The following SP3 variants were observed in gnomAD, a reference collection of about 807,000 sequenced individuals.
The protein encoded by SP3 is transcription factor Sp3.
SP3 carries 10 observed loss-of-function variants against 70.3 expected under a neutral mutation model. The ratio of observed to expected loss-of-function variants is 0.14; its 90% CI spans 0.09 to 0.24. The LOEUF (loss-of-function observed/expected upper bound fraction) is 0.24. Ranked by LOEUF, SP3 falls within the 10% of genes least tolerant of loss-of-function variation. The probability of loss-of-function intolerance (pLI) is 1.00; values close to 1 mark genes in which losing one functional copy is unlikely to be tolerated. For synonymous variants in SP3, 402 were observed against 333.5 expected (o/e 1.21, Z -2.24); for missense variants, 825 against 914.6 (o/e 0.90, Z 1.26).
Position 173,918,736 on chromosome 2 carries a change from A to G in SP3, c.1689T>C (p.Ser563=). Residue 563 remains serine (S), a synonymous_variant, in exon 5 of 7, where the codon AGT becomes AGC. Coordinates refer to ENST00000310015, the MANE Select transcript of SP3 (RefSeq NM_003111.5). ...CATTGGTATTCAAGGTAGAATCACC[A>G]CTGAGCTGCCACTCTTCAGGATCAG... The part of the protein sequence containing the change: ...EEPDPEEWQL[S]GDSTLNTNDL... The G allele has an allele frequency of 6.2e-7, 1 of 1,613,536 alleles. No homozygotes were observed. Among genetic ancestry groups the G allele is most frequent in the Non-Finnish European group, 8.5e-7 (1 of 1,179,678 alleles).
intron 4 of SP3, among the ~76,000 whole-genome samples, chr2:173,949,723 G>C (rs1054057607): frequency 6.6e-6 from 1 of 152,170 alleles, no homozygotes; most frequent in Non-Finnish European, 1.5e-5. Context: ...ATAGCTACCA[G>C]TTAACCTGCA....
intron 4 of SP3, among the ~76,000 whole-genome samples, chr2:173,930,461 C>T (rs1000110143): frequency 6.6e-6 from 1 of 152,254 alleles, no homozygotes; most frequent in African/African-American, 2.4e-5. Flanking sequence ...CCTACAAATT[C>T]CCAAATTTCT....
intron 5 of SP3, chr2:173,915,162 G>C (rs991763735): frequency 2.0e-5 from 3 of 152,152 alleles, no homozygotes; most frequent in African/African-American, 7.2e-5. Flanking sequence ...CAAGAAGCTA[G>C]GGAAGGTATT....
Position 173,902,643 on chromosome 2 carries a change from T to C in SP3, c.*7298A>G, listed in dbSNP as rs1396849366. 4.6e-5 allele frequency among the ~76,000 whole-genome samples: 7 copies of C among 152,214 alleles called. No homozygotes were observed. The highest frequency in any genetic ancestry group is 1.7e-4 in the African/African-American group (7 of 41,456). ...TGAACTACAGCATTTAAATGAATGA[T>C]TTAGAGAAAGATGGTAGTGTGGATA... On this transcript the variant is annotated 3_prime_UTR_variant, in exon 7 of 7. Coordinates refer to ENST00000310015, the MANE Select transcript of SP3 (RefSeq NM_003111.5).
chr2:173,962,807 G>C (rs747608073), intron 3 of SP3, among the ~76,000 whole-genome samples: 1 of 151,440 alleles, frequency 6.6e-6, no homozygotes, highest in Non-Finnish European at 1.5e-5. Flanking sequence ...ATTTTAATAG[G>C]TGAACAAATC....
rs1689336769 is a variant in SP3, at chr2:173,906,777, T to A, written c.*3164A>T. The A allele has an allele frequency of 6.6e-6, 1 of 152,182 alleles. No individual in the cohort carries two copies. The highest frequency in any genetic ancestry group is 6.5e-5 in the Admixed American group (1 of 15,286). 9.4% of individuals were successfully genotyped at this position (152,182 alleles called of 1,614,324 possible). ...TAAGTGATTGTAACGCAGGAGTGTT[T>A]AACAGAACCACTTGAGCAGCTGTTT... On this transcript the variant is annotated 3_prime_UTR_variant, in exon 7 of 7. Transcript: ENST00000310015.
chr2:173,962,199 G>A (rs1167868775), intron 3 of SP3, among the ~76,000 whole-genome samples: 2 of 152,080 alleles, frequency 1.3e-5, no homozygotes, highest in Non-Finnish European at 2.9e-5. Flanking sequence ...ACTCACATAT[G>A]TATGTACATA....
chr2:173,941,478 C>T (rs1422581211), intron 4 of SP3, among the ~76,000 whole-genome samples: 2 of 152,190 alleles, frequency 1.3e-5, no homozygotes, highest in Non-Finnish European at 2.9e-5. Flanking sequence ...GACATGGCAG[C>T]ACACATGTGC....
Position 173,928,178 on chromosome 2 carries a change from TAAAG to T in SP3, c.1640-9397_1640-9394del, listed in dbSNP as rs1458999331. On this transcript the variant is annotated intron_variant, in intron 4 of 6. Transcript: ENST00000310015. ...ATATAAACATTAAATAAATTAGGAC[TAAAG>T]AAAGGATCTAAGGCTACTCTTAAGA... 2.6e-5 allele frequency among the ~76,000 whole-genome samples: 4 copies of T among 152,270 alleles called. No homozygotes were observed. The East Asian group carries it at 7.7e-4, about 29-fold the overall frequency.
intron 2 of SP3, 59 bp from the exon 3 acceptor site, chr2:173,963,942 C>CG: frequency 8.0e-7 from 1 of 1,251,916 alleles, no homozygotes; most frequent in East Asian, 3.3e-5. Context: ...CGGTTAGGGT[C>CG]GGGCCGCCTT....
rs1689220669 is a variant in SP3 at position 173,903,222 on chromosome 2, C to A, written c.*6719G>T. 6.6e-6 allele frequency among the ~76,000 whole-genome samples: 1 copy of A among 152,126 alleles called. No individual in the cohort carries two copies. The highest frequency in any genetic ancestry group is 1.5e-5 in the Non-Finnish European group (1 of 68,012). On this transcript the variant is annotated 3_prime_UTR_variant, in exon 7 of 7. Transcript: ENST00000310015. ...TTACTAATACATAATATAATATGTG[C>A]CAGGCATTATGGAAAGTGGTTTACA... is the stretch of plus-strand genomic sequence containing the variant.
intron 4 of SP3, among the ~76,000 whole-genome samples, chr2:173,930,822 A>G (rs1300348737): frequency 6.6e-6 from 1 of 152,248 alleles, no homozygotes; most frequent in Non-Finnish European, 1.5e-5. Context: ...GTAATAATAT[A>G]GGTGCTGTCT....
At chr2:173,956,726 G>A (rs1690906531) in intron 3 of SP3, among the ~76,000 whole-genome samples, 1 of 152,038 alleles carries the variant, frequency 6.6e-6, no homozygotes, top group South Asian at 2.1e-4. Flanking sequence ...CATGGCTAGG[G>A]CTATTCCATT....
At chr2:173,965,141 G>T (rs942691062) in intron 1 of SP3, 24 bp downstream of exon 1, 4 of 1,548,202 alleles carry the variant, frequency 2.6e-6, no homozygotes, top group Non-Finnish European at 3.5e-6. Flanking sequence ...CAGCAGCAAG[G>T]GTTGCTCTCT....
Position 173,902,317 on chromosome 2 carries a change from T to A in SP3, c.*7624A>T, listed in dbSNP as rs923987161. 6.6e-6 allele frequency among the ~76,000 whole-genome samples: 1 copy of A among 152,224 alleles called. No homozygotes were observed. Among genetic ancestry groups the A allele is most frequent in the East Asian group, 1.9e-4 (1 of 5,202 alleles). On this transcript the variant is annotated 3_prime_UTR_variant, in exon 7 of 7. Transcript: ENST00000310015. ...ATTGTTATTCATTGGAAAAAACATA[T>A]CTGCCAAGGCAGGATTGGGAGGGTA...
At chr2:173,924,503 CA>C (rs1689852890) in intron 4 of SP3, among the ~76,000 whole-genome samples, 1 of 152,200 alleles carries the variant, frequency 6.6e-6, no homozygotes, top group African/African-American at 2.4e-5. Flanking sequence ...TGGCTAAACA[CA>C]TAAGATAAGG....
intron 5 of SP3, 71 bp from the exon 6 acceptor site, chr2:173,913,337 A>T: frequency 9.0e-7 from 1 of 1,114,318 alleles, no homozygotes; most frequent in Non-Finnish European, 1.2e-6. Flanking sequence ...TTTACATCAT[A>T]TATCCCCATG....
At chr2:173,965,405 G>A (rs1213660641), upstream of SP3, 3 of 559,530 alleles carry the variant, frequency 5.4e-6, no homozygotes, top group Non-Finnish European at 9.5e-6. Flanking sequence ...CCTCTTCTTG[G>A]CTCTCATTCG....
At chr2:173,931,531 A>G (rs1240662806) in intron 4 of SP3, among the ~76,000 whole-genome samples, 1 of 147,322 alleles carries the variant, frequency 6.8e-6, no homozygotes, top group Non-Finnish European at 1.5e-5. Flanking sequence ...TTCAGTAGAG[A>G]TGGGGTTTCA....
Sources: gnomAD v4.1 joint callset for allele counts (sites outside exome capture counted in the v4.1 genomes callset) on GRCh38, gnomAD v4.1.1 for gene constraint, MANE v1.5 for transcripts, NCBI Gene and HGNC (gene_info 2026-07-23, HGNC 2026-07-21) for gene names.